Variants in SCHIP1 observed in about 807,000 individuals in gnomAD.
SCHIP1 encodes schwannomin-interacting protein 1.
A neutral mutation model predicts 29.7 loss-of-function variants in SCHIP1; 8 were observed. The observed-to-expected ratio is 0.27, with a 90% CI of 0.16 to 0.49. The LOEUF is 0.49. SCHIP1 is among the 20% of genes least tolerant of loss of function. The pLI is 0.99. For synonymous variants in SCHIP1, 76 were observed against 94.9 expected (o/e 0.80, Z 1.16); for missense variants, 193 against 294.6 (o/e 0.66, Z 2.52).
chr3:159,487,253 GT>G, the SCHIP1 span, among the ~76,000 whole-genome samples: 2 of 152,126 alleles, frequency 1.3e-5, no homozygotes, highest in Admixed American at 1.3e-4. Context: ...ATTTTGGTTT[GT>G]TTTAGTTTGC....
At chr3:159,395,460 G>C in the SCHIP1 span, among the ~76,000 whole-genome samples, 3 of 151,572 alleles carry the variant, frequency 2.0e-5, no homozygotes, top group African/African-American at 7.3e-5. Context: ...GGCATTTAGT[G>C]CTATAAATTT....
the SCHIP1 span, among the ~76,000 whole-genome samples, chr3:159,567,375 C>A: frequency 1.3e-5 from 2 of 152,018 alleles, no homozygotes; most frequent in African/African-American, 4.8e-5. Flanking sequence ...ACAGTTCATC[C>A]TTTTTTTCTT....
chr3:159,376,824 C>T, the SCHIP1 span, among the ~76,000 whole-genome samples: 1 of 152,260 alleles, frequency 6.6e-6, no homozygotes, highest in South Asian at 2.1e-4. Context: ...ATCAGTAGCC[C>T]CAGTTTTGGG....
chr3:159,648,959 C>T, the SCHIP1 span, among the ~76,000 whole-genome samples: 5 of 152,224 alleles, frequency 3.3e-5, no homozygotes, highest in East Asian at 9.6e-4. Flanking sequence ...GGACCTGAAA[C>T]TAATCCTACT....
chr3:159,660,266 G>A, the SCHIP1 span, among the ~76,000 whole-genome samples: 1 of 152,142 alleles, frequency 6.6e-6, no homozygotes, highest in African/African-American at 2.4e-5. Flanking sequence ...GAAGCTTCGA[G>A]TATAGATGAT....
chr3:159,703,614 T>C, the SCHIP1 span, among the ~76,000 whole-genome samples: 1 of 152,332 alleles, frequency 6.6e-6, no homozygotes, highest in Admixed American at 6.5e-5. Flanking sequence ...TCTAGTGCGC[T>C]GAAGCATTTC....
intron 1 of SCHIP1, among the ~76,000 whole-genome samples, chr3:159,852,508 C>T (rs534928313): frequency 1.3e-5 from 2 of 152,274 alleles, no homozygotes; most frequent in East Asian, 3.9e-4. Context: ...GGCCTTTTCC[C>T]TCTCTTTAGT....
At chr3:159,674,174 C>A in the SCHIP1 span, among the ~76,000 whole-genome samples, 1 of 152,190 alleles carries the variant, frequency 6.6e-6, no homozygotes, top group African/African-American at 2.4e-5. Context: ...TTCATCAATC[C>A]CTTGCCATCT....
At chr3:159,503,622 T>A in the SCHIP1 span, among the ~76,000 whole-genome samples, 1 of 152,178 alleles carries the variant, frequency 6.6e-6, no homozygotes, top group Non-Finnish European at 1.5e-5. Context: ...TCAGAGTGTT[T>A]AGCCACATGA....
At chr3:159,739,655 A>G in the SCHIP1 span, among the ~76,000 whole-genome samples, 42,202 of 150,336 alleles carry the variant, frequency 0.28, 5,896 homozygotes, top group Middle Eastern at 0.35. Flanking sequence ...GCAAGTCCTT[A>G]TCTTCTTGCT....
chr3:159,855,668 T>TC (rs1313162200), intron 1 of SCHIP1, among the ~76,000 whole-genome samples: 2 of 152,200 alleles, frequency 1.3e-5, no homozygotes, highest in African/African-American at 4.8e-5. Flanking sequence ...TTGTAATTTT[T>TC]TTTTTATCTC....
the SCHIP1 span, among the ~76,000 whole-genome samples, chr3:159,534,585 G>T: frequency 6.6e-6 from 1 of 152,064 alleles, no homozygotes; most frequent in African/African-American, 2.4e-5. Context: ...GGTGGGGAAA[G>T]AGAGAAAACA....
chr3:159,348,985 C>T, the SCHIP1 span, among the ~76,000 whole-genome samples: 1 of 152,130 alleles, frequency 6.6e-6, no homozygotes, highest in Non-Finnish European at 1.5e-5. Context: ...TTTAAGTAGT[C>T]TGGCTGAGTT....
chr3:159,314,077 G>A, the SCHIP1 span, among the ~76,000 whole-genome samples: 1 of 152,104 alleles, frequency 6.6e-6, no homozygotes. Context: ...TATGGTAAAG[G>A]TACTATTTTT....
the SCHIP1 span, among the ~76,000 whole-genome samples, chr3:159,618,870 A>G: frequency 2.2e-4 from 33 of 152,362 alleles, no homozygotes; most frequent in Non-Finnish European, 4.3e-4. Context: ...TGTTGATTGC[A>G]TCCCGGAAGC....
the SCHIP1 span, among the ~76,000 whole-genome samples, chr3:159,331,625 C>T: frequency 6.6e-6 from 1 of 152,144 alleles, no homozygotes; most frequent in Admixed American, 6.5e-5. Context: ...CCCCCTACTT[C>T]CTCTCACGGA....
chr3:159,423,775 C>A, the SCHIP1 span, among the ~76,000 whole-genome samples: 2 of 152,174 alleles, frequency 1.3e-5, no homozygotes, highest in Non-Finnish European at 2.9e-5. Flanking sequence ...TCCCTGACCC[C>A]TGACCCCTGA....
the SCHIP1 span, among the ~76,000 whole-genome samples, chr3:159,527,736 G>T: frequency 6.6e-6 from 1 of 152,128 alleles, no homozygotes; most frequent in Non-Finnish European, 1.5e-5. Flanking sequence ...ATTTGGAGTA[G>T]TTTTTTTGTT....
At chr3:159,765,470 G>C in the SCHIP1 span, 1 of 268,730 alleles carries the variant, frequency 3.7e-6, no homozygotes, top group Non-Finnish European at 6.9e-6. Context: ...AATCCGGGGA[G>C]ATTCTGGCAC....
Sources: gnomAD v4.1 joint callset for allele counts (sites outside exome capture counted in the v4.1 genomes callset) on GRCh38, gnomAD v4.1.1 for gene constraint, MANE v1.5 for transcripts, NCBI Gene and HGNC (gene_info 2026-07-23, HGNC 2026-07-21) for gene names.